The following ABTB2 variants were observed in gnomAD, a reference collection of about 807,000 sequenced individuals.
ABTB2 encodes ankyrin repeat and BTB domain containing 2.
Under a neutral mutation model 104.1 loss-of-function variants are expected in ABTB2, and 56 were observed. That is an observed-to-expected ratio of 0.54 (90% CI 0.43 to 0.67). The LOEUF (loss-of-function observed/expected upper bound fraction) is 0.67. Ranked by LOEUF, ABTB2 falls within the 30% of genes least tolerant of loss-of-function variation. The pLI, the probability that ABTB2 is intolerant of heterozygous loss-of-function variation, is 0.00. For synonymous variants in ABTB2, 606 were observed against 608.2 expected (o/e 1.00, Z 0.05); for missense variants, 1,279 against 1,407.7 (o/e 0.91, Z 1.46).
intron 1 of ABTB2, among the ~76,000 whole-genome samples, chr11:34,237,365 C>T (rs887795590): frequency 4.0e-5 from 6 of 151,486 alleles, no homozygotes; most frequent in Non-Finnish European, 5.9e-5. Flanking sequence ...GCAACCTCCA[C>T]CTCCCAGGTT....
chr11:34,227,567 TTATC>T (rs1853704149), intron 1 of ABTB2, among the ~76,000 whole-genome samples: 1 of 152,264 alleles, frequency 6.6e-6, no homozygotes, highest in Admixed American at 6.5e-5. Flanking sequence ...CACATTTTGT[TTATC>T]TATTCAATTA....
intron 1 of ABTB2, among the ~76,000 whole-genome samples, chr11:34,321,648 G>C (rs1855004279): frequency 6.6e-6 from 1 of 152,236 alleles, no homozygotes; most frequent in Non-Finnish European, 1.5e-5. Context: ...AAGGACCCAA[G>C]TTATGTCCTT....
At chr11:34,243,257 C>A (rs1017891747) in intron 1 of ABTB2, among the ~76,000 whole-genome samples, 1 of 152,116 alleles carries the variant, frequency 6.6e-6, no homozygotes, top group African/African-American at 2.4e-5. Flanking sequence ...TAGAGACTAG[C>A]CTGTTGACCT....
At chr11:34,336,477 TAAA>T (rs959805380) in intron 1 of ABTB2, among the ~76,000 whole-genome samples, 1 of 151,998 alleles carries the variant, frequency 6.6e-6, no homozygotes, top group African/African-American at 2.4e-5. Flanking sequence ...CTTATCTCTA[TAAA>T]AAATTTTAAA....
chr11:34,161,841 G>A (rs1320430957), intron 10 of ABTB2, among the ~76,000 whole-genome samples: 2 of 152,200 alleles, frequency 1.3e-5, no homozygotes, highest in African/African-American at 4.8e-5. Context: ...TGGTGTGTTA[G>A]TATCCTTGGG....
chr11:34,352,215 G>A (rs1182345160), intron 1 of ABTB2, among the ~76,000 whole-genome samples: 1 of 152,198 alleles, frequency 6.6e-6, no homozygotes, highest in African/African-American at 2.4e-5. Context: ...TCAGCTCTAA[G>A]TGAGATGTTG....
At chr11:34,254,509 T>C (rs1313608001) in intron 1 of ABTB2, among the ~76,000 whole-genome samples, 1 of 152,020 alleles carries the variant, frequency 6.6e-6, no homozygotes, top group Non-Finnish European at 1.5e-5. Flanking sequence ...CACCTCAGCC[T>C]CCCAAAGTAA....
intron 1 of ABTB2, among the ~76,000 whole-genome samples, chr11:34,326,057 G>A (rs1855067222): frequency 6.6e-6 from 1 of 151,568 alleles, no homozygotes. Flanking sequence ...GAATGAATGA[G>A]TGAGGTAAAA....
intron 3 of ABTB2, among the ~76,000 whole-genome samples, chr11:34,177,573 G>T (rs1852972491): frequency 6.6e-6 from 1 of 152,022 alleles, no homozygotes; most frequent in African/African-American, 2.4e-5. Context: ...TTTTCCTACA[G>T]AACATTCCAG....
chr11:34,190,906 T>G (rs963694730), intron 3 of ABTB2, among the ~76,000 whole-genome samples: 9 of 152,194 alleles, frequency 5.9e-5, no homozygotes, highest in Non-Finnish European at 1.2e-4. Context: ...ATGAGCACTT[T>G]TTATGTGCCT....
chr11:34,254,947 G>A (rs1434827085), intron 1 of ABTB2, among the ~76,000 whole-genome samples: 2 of 152,016 alleles, frequency 1.3e-5, no homozygotes, highest in Non-Finnish European at 2.9e-5. Context: ...TTACAGGTGC[G>A]AGCTACCATG....
At chr11:34,323,906 CTTTTTTTTTTT>C (rs56375939) in intron 1 of ABTB2, among the ~76,000 whole-genome samples, 7 of 63,924 alleles carry the variant, frequency 1.1e-4, no homozygotes, top group East Asian at 9.8e-4. Context: ...TAAATTCCCT[CTTTTTTTTTTT>C]TTTTTTTTTT....
intron 9 of ABTB2, 33 bp downstream of exon 9, chr11:34,164,653 A>G: frequency 6.9e-7 from 1 of 1,458,916 alleles, no homozygotes; most frequent in South Asian, 1.5e-5. Flanking sequence ...CAGTGCCCTC[A>G]TGTCACACAG....
At chr11:34,330,587 A>C (rs960996473) in intron 1 of ABTB2, among the ~76,000 whole-genome samples, 35 of 152,258 alleles carry the variant, frequency 2.3e-4, no homozygotes, top group African/African-American at 8.2e-4. Context: ...TCTCATTCCT[A>C]AAATGGCCAT....
chr11:34,319,679 T>C (rs139164275), intron 1 of ABTB2, among the ~76,000 whole-genome samples: 6 of 152,278 alleles, frequency 3.9e-5, no homozygotes, highest in African/African-American at 1.4e-4. Flanking sequence ...TTTATATTTA[T>C]TTTATTTTAT....
intron 1 of ABTB2, among the ~76,000 whole-genome samples, chr11:34,313,379 G>A (rs1213683661): frequency 2.0e-5 from 3 of 152,184 alleles, no homozygotes; most frequent in Non-Finnish European, 4.4e-5. Flanking sequence ...CACATTCTTT[G>A]AAGTGTATGG....
chr11:34,328,507 T>A (rs958815112), intron 1 of ABTB2, among the ~76,000 whole-genome samples: 3 of 152,186 alleles, frequency 2.0e-5, no homozygotes, highest in Non-Finnish European at 4.4e-5. Context: ...GTGATGAGGA[T>A]TAAATGAGAC....
In ABTB2 at chr11:34,281,986, G is replaced by A. The variant is rs75391057; in HGVS notation, c.883+74715C>T. On this transcript the variant is annotated intron_variant, in intron 1 of 16. Transcript: ENST00000435224. Reference sequence around the variant, plus strand: ...AAGTCCATTATATATGTCTTAGTTCGTTTGAGCTGTTCTAGCAAAATACCA... The same window carrying A: ...AAGTCCATTATATATGTCTTAGTTCATTTGAGCTGTTCTAGCAAAATACCA... 6.6e-4 allele frequency among the ~76,000 whole-genome samples: 101 copies of A among 152,282 alleles called. 1 individual carries two copies. The highest frequency in any genetic ancestry group is 2.0e-3 in the African/African-American group (84 of 41,552).
intron 1 of ABTB2, among the ~76,000 whole-genome samples, chr11:34,285,577 C>T (rs1007079749): frequency 1.3e-5 from 2 of 152,090 alleles, no homozygotes; most frequent in Admixed American, 6.5e-5. Flanking sequence ...GGAGGCCAGG[C>T]GAGGGTTCAT....
Sources: allele counts gnomAD v4.1 joint callset (sites outside exome capture counted in the v4.1 genomes callset), GRCh38; gene constraint gnomAD v4.1.1; transcripts MANE v1.5; gene names NCBI Gene and HGNC (gene_info 2026-07-23, HGNC 2026-07-21).